Variants in ICMT observed in about 807,000 individuals in gnomAD.
ICMT encodes the protein isoprenylcysteine carboxyl methyltransferase.
In ICMT, 10 loss-of-function variants were observed where a neutral mutation model predicts 32.2. The ratio of observed to expected loss-of-function variants is 0.31; its 90% CI spans 0.19 to 0.53. The LOEUF is 0.53. Among genes scored for constraint, ICMT ranks in the 20% least tolerant of loss-of-function variants. The pLI, the probability that ICMT is intolerant of heterozygous loss-of-function variation, is 0.96. For missense variants in ICMT, 265 were observed against 356.9 expected (o/e 0.74, Z 2.07); for synonymous variants, 183 against 158.2 (o/e 1.16, Z -1.18).
chr1:6,227,222 T>C (rs1381647868), intron 4 of ICMT, among the ~76,000 whole-genome samples: 1 of 152,254 alleles, frequency 6.6e-6, no homozygotes, highest in East Asian at 1.9e-4. Context: ...CCTTTGGTTC[T>C]AGTGCACACA....
rs56194746 is a variant in ICMT at position 6,234,068 on chromosome 1, C to T, written c.285-425G>A. 2.0e-5 allele frequency among the ~76,000 whole-genome samples: 3 copies of T among 152,174 alleles called. No homozygotes were observed. The East Asian group carries it at 5.8e-4, about 29-fold the overall frequency. ...TTCGCTATGTTGGCAAGGCTGGTCT[C>T]GAACTCCTGGCTTGGCCAGGCTGGT... On this transcript the variant is annotated intron_variant, in intron 2 of 4. Coordinates refer to ENST00000343813, the MANE Select transcript of ICMT (RefSeq NM_012405.4).
rs1331103936 is a variant in ICMT at position 6,225,280 on chromosome 1, C to A, written c.673-18G>T. ...AGCATCACCTAACAGAGGGAGACAC[C>A]AGGCTCATCAGGGTGACCGTGGGAT... On this transcript the variant is annotated intron_variant, in intron 4 of 4. Transcript: ENST00000343813. 6.2e-7 allele frequency: 1 copy of A among 1,608,328 alleles called. No homozygotes were observed.
Position 6,221,852 on chromosome 1 carries a change from C to T in ICMT, c.*3228G>A, listed in dbSNP as rs1020118445. ...CTGCAAGCCCTCACGAAAGGCTTCA[C>T]TCTATGCTGTTTCCAGGTAGCTTTG... On this transcript the variant is annotated 3_prime_UTR_variant, in exon 5 of 5. Transcript: ENST00000343813. 6 of 152,242 alleles carry T rather than the reference C, an allele frequency of 3.9e-5. No homozygotes were observed. Among genetic ancestry groups the T allele is most frequent in the Non-Finnish European group, 8.8e-5 (6 of 68,054 alleles). 9.4% of individuals were successfully genotyped at this position (152,242 alleles called of 1,614,324 possible). A position where few individuals can be genotyped will look rare whatever the true frequency, so the allele number is the denominator to read the frequency against.
intron 2 of ICMT, chr1:6,234,660 G>A: frequency 1.8e-6 from 1 of 568,768 alleles, no homozygotes; most frequent in Non-Finnish European, 3.2e-6. Flanking sequence ...ACCTTTGGGG[G>A]TGCCAGGGAG....
chr1:6,234,737 C>A (rs976880303), intron 2 of ICMT, 149 bp downstream of exon 2: 3 of 683,632 alleles, frequency 4.4e-6, no homozygotes, highest in Non-Finnish European at 7.8e-6. Flanking sequence ...ATGTGAGCAA[C>A]TAGGGGGAAG....
In ICMT at chr1:6,234,984, A is replaced by T. The variant is rs987443473; in HGVS notation, c.196-10T>A. The stretch of plus-strand genomic sequence containing the variant: ...AAGCTCGGATGGCTATCTGAAAGGA[A>T]CCCAAGAGAAGCTCAGTCATTCACA... On this transcript the variant is annotated splice_polypyrimidine_tract_variant and intron_variant, in intron 1 of 4. Transcript: ENST00000343813. 1.9e-6 allele frequency: 3 copies of T among 1,610,468 alleles called. No homozygotes were observed. The East Asian group carries it at 6.7e-5, about 36-fold the overall frequency.
intron 2 of ICMT, chr1:6,234,536 G>A (rs1302157246): frequency 2.1e-6 from 1 of 484,740 alleles, no homozygotes; most frequent in Admixed American, 2.3e-5. Context: ...AGATGAAAAA[G>A]GCCCATGAAG....
At chr1:6,229,465 T>A (rs1668697146) in intron 4 of ICMT, among the ~76,000 whole-genome samples, 1 of 145,862 alleles carries the variant, frequency 6.9e-6, no homozygotes, top group African/African-American at 2.6e-5. Flanking sequence ...GCAACAAGAG[T>A]GAAACTCCAT....
At position 6,232,067 on chromosome 1, in the gene ICMT, G is replaced by A. The variant is rs142528979; in HGVS notation, c.507C>T (p.Phe169=). The change falls in exon 4 of 5, where the codon TTC becomes TTT. Residue 169 remains phenylalanine (F), a synonymous_variant. Transcript: ENST00000343813. ...TGGCCGCCTTCCTCAGACATTCTCCGAAGACCACCATCAGCAGCCCTGTGA... is the reference window on the plus strand; with the variant it reads ...TGGCCGCCTTCCTCAGACATTCTCCAAAGACCACCATCAGCAGCCCTGTGA... The part of the protein sequence containing the change: ...LSVTGLLMVV[F]GECLRKAAMF... 1,110 of 1,614,048 alleles carry A rather than the reference G, an allele frequency of 6.9e-4. 3 individuals are homozygous for A. The East Asian group carries it at 0.013, about 18-fold the overall frequency.
At chr1:6,225,391 G>A in intron 4 of ICMT, 129 bp from the exon 5 acceptor site, 1 of 842,800 alleles carries the variant, frequency 1.2e-6, no homozygotes, top group Admixed American at 2.6e-5. Context: ...AGGGTCTCTG[G>A]GAGCAGTACT....
intron 3 of ICMT, 29 bp downstream of exon 3, chr1:6,233,445 C>T (rs1161598385): frequency 1.2e-6 from 2 of 1,600,974 alleles, no homozygotes; most frequent in Non-Finnish European, 1.7e-6. Context: ...CCCTTTTCCC[C>T]TCCAGAGGGG....
Position 6,231,989 on chromosome 1 carries a change from A to T in ICMT, c.585T>A (p.Asp195Glu), listed in dbSNP as rs376614649. ...FNHVVQNEKSDTHTLVTSGVY... is the reference protein window; with the variant it reads ...FNHVVQNEKSETHTLVTSGVY... The stretch of plus-strand genomic sequence containing the variant: ...CTCCACTGGTCACCAGAGTATGTGT[A>T]TCTGATTTTTCATTCTGTACCACGT... The change falls in exon 4 of 5, where the codon GAT becomes GAA. Residue 195 changes from aspartate (D) to glutamate (E), a missense_variant. Asp to Glu is a conservative substitution (Grantham distance 45). Coordinates refer to ENST00000343813, the MANE Select transcript of ICMT (RefSeq NM_012405.4). 1 of 1,614,046 alleles carries T rather than the reference A, an allele frequency of 6.2e-7. No homozygotes were observed. The highest frequency in any genetic ancestry group is 8.5e-7 in the Non-Finnish European group (1 of 1,180,016).
chr1:6,233,076 G>A (rs1016795246), intron 3 of ICMT, among the ~76,000 whole-genome samples: 31 of 151,068 alleles, frequency 2.1e-4, no homozygotes, highest in African/African-American at 6.1e-4. Context: ...GGCTGGTCTC[G>A]AACTCCTGAC....
intron 4 of ICMT, among the ~76,000 whole-genome samples, chr1:6,227,242 G>T (rs1668658750): frequency 6.6e-6 from 1 of 152,204 alleles, no homozygotes; most frequent in Non-Finnish European, 1.5e-5. Flanking sequence ...ACATATACAG[G>T]AAGCAAGCAT....
chr1:6,234,079 C>T (rs1668777783), intron 2 of ICMT, among the ~76,000 whole-genome samples: 1 of 152,106 alleles, frequency 6.6e-6, no homozygotes, highest in African/African-American at 2.4e-5. Context: ...GAACTCCTGG[C>T]TTGGCCAGGC....
chr1:6,233,278 G>C (rs994004311), intron 3 of ICMT, among the ~76,000 whole-genome samples, 196 bp downstream of exon 3: 35 of 152,278 alleles, frequency 2.3e-4, no homozygotes, highest in African/African-American at 8.4e-4. Flanking sequence ...CAAAAGGTCA[G>C]CACGTCCTCG....
chr1:6,233,303 G>C (rs532784565), intron 3 of ICMT, among the ~76,000 whole-genome samples, 171 bp downstream of exon 3: 22 of 152,272 alleles, frequency 1.4e-4, no homozygotes, highest in Admixed American at 5.2e-4. Flanking sequence ...AATATCCAGA[G>C]GCAGAATTCA....
Position 6,235,867 on chromosome 1 carries a change from A to G in ICMT, c.45T>C (p.Arg15=). 8.3e-7 allele frequency: 1 copy of G among 1,206,068 alleles called. No homozygotes were observed. The highest frequency in any genetic ancestry group is 1.0e-6 in the Non-Finnish European group (1 of 968,268). The allele number at this position is 1,206,068 out of a possible 1,614,324, so 74.7% of individuals were successfully genotyped here. The change falls in exon 1 of 5, where the codon CGT becomes CGC. Residue 15 remains arginine (R), a synonymous_variant. Coordinates refer to ENST00000343813, the MANE Select transcript of ICMT (RefSeq NM_012405.4). The part of the protein sequence containing the change: ...AARAPPGSEA[R]LSLATFLLGA... ...CCAGCAGGAAGGTGGCGAGGCTGAG[A>G]CGCGCCTCAGAGCCCGGCGGAGCCC...
rs140883276 is a variant in ICMT at position 6,221,663 on chromosome 1, C to G, written c.*3417G>C. 93 of 152,766 alleles carry G rather than the reference C, an allele frequency of 6.1e-4. No individual in the cohort carries two copies. The highest frequency in any genetic ancestry group is 2.2e-3 in the African/African-American group (92 of 41,602). The allele number at this position is 152,766 out of a possible 1,614,324, so 9.5% of individuals were successfully genotyped here. A position where few individuals can be genotyped will look rare whatever the true frequency, so the allele number is the denominator to read the frequency against. On this transcript the variant is annotated 3_prime_UTR_variant, in exon 5 of 5. Coordinates refer to ENST00000343813, the MANE Select transcript of ICMT (RefSeq NM_012405.4). ...TTAGGAACATTTTCCCCGGTCGTATCAATCCCCCAGGTTGGTAAATGAACA... is the reference window on the plus strand; with the variant it reads ...TTAGGAACATTTTCCCCGGTCGTATGAATCCCCCAGGTTGGTAAATGAACA...
Sources: allele counts gnomAD v4.1 joint callset (sites outside exome capture counted in the v4.1 genomes callset), GRCh38; gene constraint gnomAD v4.1.1; transcripts MANE v1.5; gene names NCBI Gene and HGNC (gene_info 2026-07-23, HGNC 2026-07-21).